Variants in UMOD observed in about 807,000 individuals in gnomAD.
UMOD encodes the protein uromodulin, also known as Tamm-Horsfall urinary glycoprotein.
Under a neutral mutation model 66.0 loss-of-function variants are expected in UMOD, and 64 were observed. The observed-to-expected ratio is 0.97, with a 90% CI of 0.79 to 1.19. The LOEUF (loss-of-function observed/expected upper bound fraction) is 1.19, where lower values mean the gene tolerates loss of function less well. Ranked by LOEUF, UMOD falls within the 50% of genes most tolerant of loss-of-function variation. The pLI is 0.00. For missense variants in UMOD, 764 were observed against 850.9 expected (o/e 0.90, Z 1.27); for synonymous variants, 398 against 352.7 (o/e 1.13, Z -1.44).
At position 20,346,176 on chromosome 16, in the gene UMOD, C is replaced by G. The variant is rs375223847; in HGVS notation, c.1132G>C (p.Val378Leu). ...TCCCGGGCTGGGGTCACTACAGACA[C>G]CCAGTCCCGGTTGTCTCTGTCATTG... Reference protein sequence around the residue: ...GFNDRDNRDWVSVVTPARDGP... With the variant: ...GFNDRDNRDWLSVVTPARDGP... Residue 378 changes from valine (V) to leucine (L), a missense_variant, in exon 5 of 11, where the codon GTG becomes CTG. By Grantham distance (32) the Val-to-Leu change is conservative (BLOSUM62 1). Transcript: ENST00000396138. 1.2e-5 allele frequency: 20 copies of G among 1,614,224 alleles called. No homozygotes were observed. The highest frequency in any genetic ancestry group is 1.7e-4 in the Middle Eastern group (1 of 6,050).
At chr16:20,352,934 T>C (rs557164169), upstream of UMOD, 50 of 395,734 alleles carry the variant, frequency 1.3e-4, no homozygotes, top group Non-Finnish European at 1.9e-4. Context: ...GGGTCACACC[T>C]GTGCCCGGAA....
At chr16:20,347,757 T>C (rs1269080304) in intron 4 of UMOD, among the ~76,000 whole-genome samples, 1 of 152,210 alleles carries the variant, frequency 6.6e-6, no homozygotes, top group Non-Finnish European at 1.5e-5. Context: ...GAAAATACTA[T>C]TTTCATCTTC....
intron 4 of UMOD, 26 bp from the exon 5 acceptor site, chr16:20,346,360 G>A (rs1392755019): frequency 6.2e-7 from 1 of 1,613,416 alleles, no homozygotes; most frequent in South Asian, 1.1e-5. Flanking sequence ...TGGGATTGAG[G>A]ACGTGTGTCT....
At chr16:20,346,361 A>G (rs2141666988) in intron 4 of UMOD, 27 bp from the exon 5 acceptor site, 3 of 1,613,248 alleles carry the variant, frequency 1.9e-6, no homozygotes, top group Non-Finnish European at 2.5e-6. Flanking sequence ...GGGATTGAGG[A>G]CGTGTGTCTA....
chr16:20,333,273 G>T lies in UMOD; in HGVS notation c.*41C>A. 1 of 1,598,220 alleles carries T rather than the reference G, an allele frequency of 6.3e-7. No homozygotes were observed. On this transcript the variant is annotated 3_prime_UTR_variant, in exon 11 of 11. Coordinates refer to ENST00000396138, the MANE Select transcript of UMOD (RefSeq NM_003361.4). ...CATCATGCCCCCTGCCCAGCAGGAG[G>T]TGAGATGGCAGCCATGGAGCACAGG...
chr16:20,335,601 A>G (rs1318838200), intron 9 of UMOD, 81 bp from the exon 10 acceptor site: 3 of 1,404,950 alleles, frequency 2.1e-6, no homozygotes, highest in Non-Finnish European at 2.0e-6. Context: ...CCTTCAATCT[A>G]CTTTTCACTT....
At chr16:20,346,891 A>G (rs112146268) in intron 4 of UMOD, among the ~76,000 whole-genome samples, 1 of 4,152 alleles carries the variant, frequency 2.4e-4, no homozygotes, top group African/African-American at 1.7e-3. Context: ...GAGAGAAAGA[A>G]AGAAAGAAAG....
chr16:20,352,078 G>A (rs1464464252), intron 1 of UMOD, among the ~76,000 whole-genome samples: 1 of 148,582 alleles, frequency 6.7e-6, no homozygotes, highest in Non-Finnish European at 1.5e-5. Context: ...TAGTGCAGTC[G>A]CTTCTGCATG....
At chr16:20,343,268 AT>A (rs1167144448) in intron 6 of UMOD, among the ~76,000 whole-genome samples, 12 of 151,750 alleles carry the variant, frequency 7.9e-5, no homozygotes, top group Non-Finnish European at 1.5e-4. Flanking sequence ...TTTAAAAAAA[AT>A]AAAATAAAAT....
At chr16:20,340,653 T>C (rs1965152209) in intron 7 of UMOD, among the ~76,000 whole-genome samples, 1 of 152,094 alleles carries the variant, frequency 6.6e-6, no homozygotes, top group African/African-American at 2.4e-5. Context: ...CCTGTATTTA[T>C]AATGGATGGG....
chr16:20,333,298 G>A lies in UMOD; in HGVS notation c.*16C>T. 17 of 1,611,982 alleles carry A rather than the reference G, an allele frequency of 1.1e-5. No individual in the cohort carries two copies. Among genetic ancestry groups the A allele is most frequent in the Non-Finnish European group, 1.2e-5 (14 of 1,179,260 alleles). On this transcript the variant is annotated 3_prime_UTR_variant, in exon 11 of 11. Transcript: ENST00000396138. ...GTGAGATGGCAGCCATGGAGCACAG[G>A]GCTTTCCGCTGTCAGTCACTGAAAA...
intron 2 of UMOD, chr16:20,349,853 G>A (rs1965804748): frequency 1.3e-6 from 2 of 1,547,770 alleles, no homozygotes; most frequent in South Asian, 2.4e-5. Flanking sequence ...ACCTGGCTGG[G>A]CAGTTGTACT....
chr16:20,349,673 C>A, intron 2 of UMOD: 1 of 1,460,294 alleles, frequency 6.8e-7, no homozygotes, highest in Non-Finnish European at 9.0e-7. Context: ...TTAAAATAGC[C>A]ACATTCAGAA....
At chr16:20,350,608 G>A (rs754317651) in intron 2 of UMOD, 42 bp downstream of exon 2, 12 of 1,609,190 alleles carry the variant, frequency 7.5e-6, no homozygotes, top group East Asian at 2.2e-5. Flanking sequence ...ACACATACAC[G>A]TGCATACACA....
intron 1 of UMOD, 80 bp downstream of exon 1, chr16:20,352,609 G>T (rs1448652679): frequency 7.2e-6 from 8 of 1,116,458 alleles, no homozygotes; most frequent in Non-Finnish European, 9.1e-6. Flanking sequence ...AGTGTCCAAG[G>T]TCTTAATTTC....
chr16:20,333,103 A>G lies in UMOD; in HGVS notation c.*211T>C. 2 of 596,882 alleles carry G rather than the reference A, an allele frequency of 3.4e-6. No individual in the cohort carries two copies. The highest frequency in any genetic ancestry group is 6.2e-6 in the Non-Finnish European group (2 of 324,376). The allele number at this position is 596,882 out of a possible 1,614,324, so 37.0% of individuals were successfully genotyped here. A position where few individuals can be genotyped will look rare whatever the true frequency, so the allele number is the denominator to read the frequency against. On this transcript the variant is annotated 3_prime_UTR_variant, in exon 11 of 11. Coordinates refer to ENST00000396138, the MANE Select transcript of UMOD (RefSeq NM_003361.4). ...CACTCTTTAAGGAGATGGGGGCCTCAGGTACACCGTCACAAGTCCCATTTT... is the reference window on the plus strand; with the variant it reads ...CACTCTTTAAGGAGATGGGGGCCTCGGGTACACCGTCACAAGTCCCATTTT...
chr16:20,355,179 T>C (rs1214129205), upstream of UMOD, among the ~76,000 whole-genome samples: 1 of 152,110 alleles, frequency 6.6e-6, no homozygotes, highest in African/African-American at 2.4e-5. Context: ...GTGTGGTGTG[T>C]CCCCTTCTCT....
rs758311815 is a variant in UMOD at position 20,344,043 on chromosome 16, C to T, written c.1312G>A (p.Ala438Thr). The change falls in exon 6 of 11, where the codon GCC becomes ACC. Residue 438 changes from alanine to threonine, a missense_variant. Ala to Thr is a moderately conservative substitution (Grantham distance 58). Transcript: ENST00000396138. ...CCACACCTGACCATTGGCTGTAGGG[C>T]GGTCTTCAGGCTGACTTTCATGTCC... is the stretch of plus-strand genomic sequence containing the variant. ...PLDMKVSLKT[A>T]LQPMVSALNI... 9 of 1,613,854 alleles carry T rather than the reference C, an allele frequency of 5.6e-6. No homozygotes were observed. The highest frequency in any genetic ancestry group is 4.5e-5 in the East Asian group (2 of 44,864).
chr16:20,341,364 G>T (rs372930791), intron 6 of UMOD, 28 bp from the exon 7 acceptor site: 300 of 1,610,872 alleles, frequency 1.9e-4, no homozygotes, highest in Non-Finnish European at 2.3e-4. Flanking sequence ...TTGGTGAGAG[G>T]ACCGGGCTGA....
Sources: gnomAD v4.1 joint callset for allele counts (sites outside exome capture counted in the v4.1 genomes callset) on GRCh38, gnomAD v4.1.1 for gene constraint, MANE v1.5 for transcripts, NCBI Gene and HGNC (gene_info 2026-07-23, HGNC 2026-07-21) for gene names.